The following PTPN12 variants were observed in gnomAD, a reference collection of about 807,000 sequenced individuals.
PTPN12 encodes protein tyrosine phosphatase non-receptor type 12.
In PTPN12, 29 loss-of-function variants were observed where a neutral mutation model predicts 97.6. The observed-to-expected ratio is 0.30, with a 90% CI of 0.22 to 0.41. PTPN12 has a LOEUF of 0.41. PTPN12 is among the 10% of genes least tolerant of loss of function. The pLI, the probability that PTPN12 is intolerant of heterozygous loss-of-function variation, is 1.00. For synonymous variants in PTPN12, 327 were observed against 300.4 expected (o/e 1.09, Z -0.91); for missense variants, 819 against 926.0 (o/e 0.88, Z 1.50).
chr7:77,610,695 A>T, intron 9 of PTPN12, 70 bp from the exon 10 acceptor site: 1 of 1,452,980 alleles, frequency 6.9e-7, no homozygotes, highest in Non-Finnish European at 9.4e-7. Flanking sequence ...TTTTATGTGA[A>T]AAGCTGAAGA....
chr7:77,549,637 G>A (rs1163895174), intron 1 of PTPN12, among the ~76,000 whole-genome samples: 1 of 151,270 alleles, frequency 6.6e-6, no homozygotes, highest in Non-Finnish European at 1.5e-5. Context: ...CTGGAGTGCA[G>A]TGGTGTAATC....
intron 1 of PTPN12, among the ~76,000 whole-genome samples, chr7:77,541,212 C>T (rs895361794): frequency 6.6e-6 from 1 of 152,190 alleles, no homozygotes; most frequent in Non-Finnish European, 1.5e-5. Flanking sequence ...CCACTTCAGC[C>T]TCCAGAGTAG....
chr7:77,600,708 C>T lies in PTPN12; in HGVS notation c.597C>T (p.Asp199=). The part of the protein sequence containing the change: ...LYQFHYVNWP[D]HDVPSSFDSI... The stretch of plus-strand genomic sequence containing the variant: ...AGTTTCATTATGTGAACTGGCCAGA[C>T]CATGATGTTCCTTCATCATTTGATT... Residue 199 remains aspartate, a synonymous_variant, in exon 8 of 18, where the codon GAC becomes GAT. Transcript: ENST00000248594. 6.2e-7 allele frequency: 1 copy of T among 1,610,772 alleles called. No individual in the cohort carries two copies. The highest frequency in any genetic ancestry group is 8.5e-7 in the Non-Finnish European group (1 of 1,178,144).
At chr7:77,558,802 T>C (rs947351249) in intron 1 of PTPN12, among the ~76,000 whole-genome samples, 4 of 152,174 alleles carry the variant, frequency 2.6e-5, no homozygotes, top group African/African-American at 9.7e-5. Context: ...GCAGGAGGAT[T>C]CCTTGAGGCC....
chr7:77,572,614 A>T (rs1393199105), intron 2 of PTPN12, among the ~76,000 whole-genome samples: 1 of 152,232 alleles, frequency 6.6e-6, no homozygotes, highest in Non-Finnish European at 1.5e-5. Context: ...AAGTGGCAAC[A>T]TAACATAATG....
chr7:77,610,251 C>T (rs2151375955), intron 9 of PTPN12, among the ~76,000 whole-genome samples: 1 of 152,310 alleles, frequency 6.6e-6, no homozygotes, highest in South Asian at 2.1e-4. Flanking sequence ...ATAGCCAATC[C>T]AGGAGATACT....
chr7:77,582,384 TGA>T (rs1456835905), intron 3 of PTPN12, among the ~76,000 whole-genome samples: 1 of 152,196 alleles, frequency 6.6e-6, no homozygotes, highest in Admixed American at 6.5e-5. Context: ...AGCTAATCTG[TGA>T]TTTTTAATCT....
Position 77,546,397 on chromosome 7 carries a change from T to C in PTPN12, c.99+8752T>C, listed in dbSNP as rs1028215133. 1.6e-4 allele frequency among the ~76,000 whole-genome samples: 24 copies of C among 152,356 alleles called. No individual in the cohort carries two copies. The South Asian group carries it at 2.7e-3, about 17-fold the overall frequency. On this transcript the variant is annotated intron_variant, in intron 1 of 17. Transcript: ENST00000248594. ...ACTTGATAAGGTAAATCAGGTGATA[T>C]GCAATTTCTAAACCACTAGTCTTTT... is the stretch of plus-strand genomic sequence containing the variant.
intron 12 of PTPN12, among the ~76,000 whole-genome samples, chr7:77,625,499 C>T (rs1315859688): frequency 2.8e-5 from 3 of 107,844 alleles, no homozygotes; most frequent in Non-Finnish European, 5.8e-5. Context: ...CTCTCTCTCT[C>T]TCTCTCTCTC....
intron 1 of PTPN12, among the ~76,000 whole-genome samples, chr7:77,549,131 G>T (rs1036426002): frequency 6.6e-6 from 1 of 152,166 alleles, no homozygotes; most frequent in Non-Finnish European, 1.5e-5. Flanking sequence ...AGTGAGATGG[G>T]TGTTGTATAA....
intron 11 of PTPN12, among the ~76,000 whole-genome samples, chr7:77,617,689 C>T (rs1788799022): frequency 6.6e-6 from 1 of 152,112 alleles, no homozygotes; most frequent in African/African-American, 2.4e-5. Flanking sequence ...ATAACATACC[C>T]TAGAATTAAA....
intron 9 of PTPN12, among the ~76,000 whole-genome samples, chr7:77,608,203 G>A (rs1241261500): frequency 6.6e-6 from 1 of 152,202 alleles, no homozygotes; most frequent in African/African-American, 2.4e-5. Context: ...TTTACTAGCT[G>A]TGGGATCTTG....
At chr7:77,625,507 C>G (rs1789124737) in intron 12 of PTPN12, among the ~76,000 whole-genome samples, 2 of 111,010 alleles carry the variant, frequency 1.8e-5, no homozygotes, top group Admixed American at 9.8e-5. Context: ...CTCTCTCTCT[C>G]TCTCTCTCTC....
At chr7:77,627,814 A>T in intron 13 of PTPN12, 139 bp downstream of exon 13, 1 of 763,254 alleles carries the variant, frequency 1.3e-6, no homozygotes, top group Non-Finnish European at 1.9e-6. Flanking sequence ...TTAGATACTA[A>T]TTTTTTAATA....
chr7:77,599,059 C>G (rs565999719), intron 7 of PTPN12, among the ~76,000 whole-genome samples: 1 of 151,282 alleles, frequency 6.6e-6, no homozygotes, highest in African/African-American at 2.4e-5. Flanking sequence ...AATATTTAGT[C>G]TTGACATTTA....
chr7:77,627,998 T>A (rs369572361), intron 13 of PTPN12, among the ~76,000 whole-genome samples: 2,794 of 152,328 alleles, frequency 0.018, 34 homozygotes, highest in Middle Eastern at 0.071. Flanking sequence ...TAGAAATAAT[T>A]TAGGGAAGAA....
At chr7:77,572,003 A>G (rs563379196) in intron 2 of PTPN12, among the ~76,000 whole-genome samples, 1 of 151,808 alleles carries the variant, frequency 6.6e-6, no homozygotes, top group Non-Finnish European at 1.5e-5. Flanking sequence ...CTTCATAAGT[A>G]TTTTGAAATA....
chr7:77,618,504 G>A lies in PTPN12; in HGVS notation c.964G>A (p.Val322Ile), dbSNP rs9640663. Residue 322 changes from valine to isoleucine, a missense_variant, in exon 12 of 18, where the codon GTC (valine) becomes ATC (isoleucine). Val to Ile is a conservative substitution (Grantham distance 29). This residue lies in a region of PTPN12 where 607 missense variants were observed against 577.3 expected (regional missense o/e 1.05). Coordinates refer to ENST00000248594, the MANE Select transcript of PTPN12 (RefSeq NM_002835.4). ...GAATGAAATTAACACTGAAAACATG[G>A]TCAGCTCCATAGAGCCTGAAAAACA... is the stretch of plus-strand genomic sequence containing the variant. ...GVNEINTENM[V>I]SSIEPEKQDS... 992,579 of 1,597,548 alleles carry A rather than the reference G, an allele frequency of 0.62. 315,015 individuals are homozygous for A. Among genetic ancestry groups the A allele is most frequent in the East Asian group, 0.92 (40,885 of 44,552 alleles).
At chr7:77,577,957 A>G (rs975143765) in intron 2 of PTPN12, among the ~76,000 whole-genome samples, 1 of 152,224 alleles carries the variant, frequency 6.6e-6, no homozygotes, top group African/African-American at 2.4e-5. Flanking sequence ...GGTAATGGAT[A>G]TACAAAGATT....
Sources: gnomAD v4.1 joint callset for allele counts (sites outside exome capture counted in the v4.1 genomes callset) on GRCh38, gnomAD v4.1.1 for gene constraint, gnomAD v4.1.1 regional missense constraint, MANE v1.5 for transcripts, NCBI Gene and HGNC (gene_info 2026-07-23, HGNC 2026-07-21) for gene names.